Variants in RTKN2 observed in about 807,000 individuals in gnomAD.
RTKN2 encodes rhotekin-2.
In RTKN2, 69 loss-of-function variants were observed where a neutral mutation model predicts 71.5. That is an observed-to-expected ratio of 0.96 (90% CI 0.79 to 1.18). The LOEUF is 1.18. RTKN2 is among the 50% of genes most tolerant of loss of function. RTKN2 has a pLI of 0.00. For synonymous variants in RTKN2, 236 were observed against 236.5 expected (o/e 1.00, Z 0.02); for missense variants, 724 against 719.7 (o/e 1.01, Z -0.07).
rs954816401 is a variant in RTKN2, at chr10:62,227,333, GAGA to G, written c.687-4004_687-4002del. ...AGAGTGCTATTTCAGATGGCCAAAGGAGAAGAAGGCCTATCTGCAAAAGTAACA... is the reference window on the plus strand; with the variant it reads ...AGAGTGCTATTTCAGATGGCCAAAGGAGAAGGCCTATCTGCAAAAGTAACA... On this transcript the variant is annotated intron_variant, in intron 6 of 11. Transcript: ENST00000373789. 6.6e-5 allele frequency among the ~76,000 whole-genome samples: 10 copies of G among 152,144 alleles called. No individual in the cohort carries two copies. In the South Asian group the frequency reaches 8.3e-4, roughly 13 times the overall value.
chr10:62,235,195 T>C (rs1047315500), intron 6 of RTKN2, among the ~76,000 whole-genome samples: 2 of 152,174 alleles, frequency 1.3e-5, no homozygotes, highest in South Asian at 4.1e-4. Flanking sequence ...TGTAATATTG[T>C]AGACCTTGTT....
At position 62,194,630 on chromosome 10, in the gene RTKN2, A is replaced by G; in HGVS notation, c.*3278T>C. ...CATTCGTGGTAACACAGGTGATTAC[A>G]TTCAAATGGCATTTAACATAAATTG... On this transcript the variant is annotated 3_prime_UTR_variant, in exon 12 of 12. Coordinates refer to ENST00000373789, the MANE Select transcript of RTKN2 (RefSeq NM_145307.4). 1.0e-6 allele frequency: 1 copy of G among 985,416 alleles called. No homozygotes were observed. Among genetic ancestry groups the G allele is most frequent in the Non-Finnish European group, 1.2e-6 (1 of 829,910 alleles). 61.0% of individuals were successfully genotyped at this position (985,416 alleles called of 1,614,324 possible).
At chr10:62,232,303 ATTTC>A (rs1477315706) in intron 6 of RTKN2, among the ~76,000 whole-genome samples, 1 of 140,162 alleles carries the variant, frequency 7.1e-6, no homozygotes, top group African/African-American at 2.6e-5. Context: ...ATTAAATATA[ATTTC>A]TTTCTTTCTT....
downstream of RTKN2, among the ~76,000 whole-genome samples, chr10:62,190,335 C>T (rs979339798): frequency 6.6e-6 from 1 of 152,158 alleles, no homozygotes; most frequent in African/African-American, 2.4e-5. Flanking sequence ...AGGTTCAAAT[C>T]CTGTCTCCAC....
intron 6 of RTKN2, among the ~76,000 whole-genome samples, chr10:62,230,692 T>C (rs1465073315): frequency 6.6e-6 from 1 of 152,198 alleles, no homozygotes; most frequent in Non-Finnish European, 1.5e-5. Flanking sequence ...GAAACTGATG[T>C]TCAGAGAATG....
chr10:62,195,100 T>G lies in RTKN2; in HGVS notation c.*2808A>C, dbSNP rs1841295949. On this transcript the variant is annotated 3_prime_UTR_variant, in exon 12 of 12. Coordinates refer to ENST00000373789, the MANE Select transcript of RTKN2 (RefSeq NM_145307.4). ...ACTTAGTAGCAATTAAAAATAATAC[T>G]ATCTTAATGCTGACTACGTAATTTA... 1 of 981,522 alleles carries G rather than the reference T, an allele frequency of 1.0e-6. No homozygotes were observed. The highest frequency in any genetic ancestry group is 6.2e-5 in the Admixed American group (1 of 16,238). 60.8% of individuals were successfully genotyped at this position (981,522 alleles called of 1,614,324 possible).
At chr10:62,258,850 T>C (rs1842721000) in intron 2 of RTKN2, among the ~76,000 whole-genome samples, 1 of 152,140 alleles carries the variant, frequency 6.6e-6, no homozygotes, top group Admixed American at 6.5e-5. Context: ...AAGCACAGGT[T>C]CTTTTTTGGA....
rs748545570 is a variant in RTKN2, at chr10:62,241,192, A to G, written c.320T>C (p.Ile107Thr). ...ACKGKIAISD[I>T]RIPLMWKDSD... ...GTCTTTCCACATTAGTGGTATTCGA[A>G]TATCTATAAAGAAGGGAAAAAGAAA... The change falls in exon 4 of 12, where the codon ATT (isoleucine) becomes ACT (threonine). Residue 107 changes from isoleucine to threonine, a missense_variant. Ile to Thr is a moderately conservative substitution (Grantham distance 89). Coordinates refer to ENST00000373789, the MANE Select transcript of RTKN2 (RefSeq NM_145307.4). 3.8e-6 allele frequency: 6 copies of G among 1,560,370 alleles called. No homozygotes were observed. The African/African-American group carries it at 5.5e-5, about 14-fold the overall frequency.
rs1841327393 is a variant in RTKN2 at position 62,196,176 on chromosome 10, C to A, written c.*1732G>T. On this transcript the variant is annotated 3_prime_UTR_variant, in exon 12 of 12. Coordinates refer to ENST00000373789, the MANE Select transcript of RTKN2 (RefSeq NM_145307.4). ...CAGCAATGAAGTTTTAAAAAATAAC[C>A]CAAAAATTCAAACAATAATATCCTT... The A allele has an allele frequency of 1.0e-6, 1 of 978,852 alleles. No homozygotes were observed. The highest frequency in any genetic ancestry group is 1.2e-6 in the Non-Finnish European group (1 of 824,120). The allele number at this position is 978,852 out of a possible 1,614,324, so 60.6% of individuals were successfully genotyped here. A position where few individuals can be genotyped will look rare whatever the true frequency, so the allele number is the denominator to read the frequency against.
chr10:62,263,167 A>T (rs142421781), intron 1 of RTKN2, among the ~76,000 whole-genome samples: 1 of 152,336 alleles, frequency 6.6e-6, no homozygotes, highest in Non-Finnish European at 1.5e-5. Context: ...GGTTTTGCAG[A>T]TGTAATTAGG....
chr10:62,249,787 C>A (rs1842544969), intron 2 of RTKN2, among the ~76,000 whole-genome samples: 2 of 152,114 alleles, frequency 1.3e-5, no homozygotes, highest in Non-Finnish European at 2.9e-5. Context: ...CTATGTCATT[C>A]TTCAAAATGT....
downstream of RTKN2, among the ~76,000 whole-genome samples, chr10:62,192,666 T>C (rs1841241129): frequency 6.6e-6 from 1 of 152,212 alleles, no homozygotes. Flanking sequence ...CTTGATGCAC[T>C]GTTGCTGACT....
intron 6 of RTKN2, among the ~76,000 whole-genome samples, chr10:62,235,213 C>T (rs912022543): frequency 6.6e-6 from 1 of 151,898 alleles, no homozygotes; most frequent in African/African-American, 2.4e-5. Context: ...GTTTGGATTC[C>T]GATTTGAACA....
rs936971239 is a variant in RTKN2 at position 62,193,194 on chromosome 10, T to C, written c.*4714A>G. On this transcript the variant is annotated 3_prime_UTR_variant, in exon 12 of 12. Coordinates refer to ENST00000373789, the MANE Select transcript of RTKN2 (RefSeq NM_145307.4). ...TTTTTAAGCAAGACACCAAAAAGTA[T>C]TCATTTTCAACAAAACAATTTATTT... 1.2e-6 allele frequency: 1 copy of C among 859,354 alleles called. No individual in the cohort carries two copies. The allele number at this position is 859,354 out of a possible 1,614,324, so 53.2% of individuals were successfully genotyped here. A position where few individuals can be genotyped will look rare whatever the true frequency, so the allele number is the denominator to read the frequency against.
chr10:62,232,127 G>A (rs533733057), intron 6 of RTKN2, among the ~76,000 whole-genome samples: 2 of 152,218 alleles, frequency 1.3e-5, no homozygotes, highest in South Asian at 4.1e-4. Flanking sequence ...AGGGGGAAAT[G>A]TTTATAAAGA....
intron 10 of RTKN2, among the ~76,000 whole-genome samples, chr10:62,200,086 G>A (rs1045061673): frequency 1.1e-4 from 16 of 151,838 alleles, no homozygotes; most frequent in Admixed American, 7.9e-4. Context: ...AAGTTTGGCC[G>A]GGCACGGTGG....
At chr10:62,227,657 G>A (rs559427527) in intron 6 of RTKN2, among the ~76,000 whole-genome samples, 4 of 152,176 alleles carry the variant, frequency 2.6e-5, no homozygotes, top group Non-Finnish European at 5.9e-5. Context: ...AGAGTCATGT[G>A]CTATGATCTG....
intron 1 of RTKN2, among the ~76,000 whole-genome samples, chr10:62,263,680 A>G (rs1842818226): frequency 6.6e-6 from 1 of 152,212 alleles, no homozygotes; most frequent in Non-Finnish European, 1.5e-5. Flanking sequence ...GCTATTTGTA[A>G]CAGTAGGCAG....
chr10:62,186,281 A>C (rs996314140), intron 8 of RTKN2, among the ~76,000 whole-genome samples: 3 of 152,218 alleles, frequency 2.0e-5, no homozygotes, highest in Non-Finnish European at 4.4e-5. Context: ...TACTTAATGC[A>C]TTCAGAGAGT....
Sources: gnomAD v4.1 joint callset for allele counts (sites outside exome capture counted in the v4.1 genomes callset) on GRCh38, gnomAD v4.1.1 for gene constraint, MANE v1.5 for transcripts, NCBI Gene and HGNC (gene_info 2026-07-23, HGNC 2026-07-21) for gene names.